Variants in HIVEP3 observed in about 807,000 individuals in gnomAD.
HIVEP3 encodes the protein transcription factor HIVEP3.
A neutral mutation model predicts 152.8 loss-of-function variants in HIVEP3; 49 were observed. That is an observed-to-expected ratio of 0.32 (90% CI 0.26 to 0.41). The LOEUF (loss-of-function observed/expected upper bound fraction) is 0.41, where lower values mean the gene tolerates loss of function less well. HIVEP3 is among the 10% of genes least tolerant of loss of function. The pLI is 1.00. For missense variants in HIVEP3, 2,790 were observed against 3,103.3 expected, an observed-to-expected ratio of 0.90 and a Z score of 2.40; for synonymous variants, 1,269 against 1,289.0, an observed-to-expected ratio of 0.98 and a Z score of 0.33.
intron 3 of HIVEP3, among the ~76,000 whole-genome samples, chr1:41,623,540 C>T (rs1558124150): frequency 6.6e-6 from 1 of 152,228 alleles, no homozygotes; most frequent in Admixed American, 6.5e-5. Context: ...TTTCTATCCC[C>T]TTGAGGCTTC....
chr1:41,512,820 G>C lies in HIVEP3; in HGVS notation c.6401C>G (p.Pro2134Arg), dbSNP rs112311296. The change falls in exon 8 of 9, where the codon CCG becomes CGG. Residue 2134 changes from proline to arginine, a missense_variant. Physicochemically the swap from Pro to Arg is moderately radical, Grantham distance 103. Coordinates refer to ENST00000372583, the MANE Select transcript of HIVEP3 (RefSeq NM_024503.5). ...LSRSPETCASPWQKAESRSPS... is the reference protein window; with the variant it reads ...LSRSPETCASRWQKAESRSPS... ...CCACCAGGGGCAGGAACTCACCCAC[G>C]GGGAGGCGCAGGTCTCTGGGCTTCT... 2 of 1,493,328 alleles carry C rather than the reference G, an allele frequency of 1.3e-6. No homozygotes were observed. The highest frequency in any genetic ancestry group is 2.8e-5 in the African/African-American group (2 of 71,500). 92.5% of individuals were successfully genotyped at this position (1,493,328 alleles called of 1,614,324 possible). A position where few individuals can be genotyped will look rare whatever the true frequency, so the allele number is the denominator to read the frequency against.
chr1:41,826,224 T>C (rs1642799455), intron 1 of HIVEP3, among the ~76,000 whole-genome samples: 1 of 152,128 alleles, frequency 6.6e-6, no homozygotes, highest in Admixed American at 6.6e-5. Flanking sequence ...TTATTTCTCT[T>C]GTATATAGGT....
At chr1:41,736,883 G>T (rs1646927049) in intron 1 of HIVEP3, among the ~76,000 whole-genome samples, 1 of 152,104 alleles carries the variant, frequency 6.6e-6, no homozygotes, top group Admixed American at 6.5e-5. Flanking sequence ...AGGAGTTCTG[G>T]CTCTTTTTCT....
chr1:42,019,150 A>C (rs950070113), intron 1 of HIVEP3, among the ~76,000 whole-genome samples: 1 of 152,068 alleles, frequency 6.6e-6, no homozygotes, highest in African/African-American at 2.4e-5. Context: ...TAGCTTTATA[A>C]TAATTCTAAA....
chr1:41,701,299 G>A (rs190249582), intron 1 of HIVEP3, among the ~76,000 whole-genome samples: 25 of 152,314 alleles, frequency 1.6e-4, no homozygotes, highest in East Asian at 1.2e-3. Flanking sequence ...AACACTCCTC[G>A]GGGAAAACAC....
chr1:41,600,785 T>C (rs772032862), intron 3 of HIVEP3, among the ~76,000 whole-genome samples: 1 of 152,196 alleles, frequency 6.6e-6, no homozygotes, highest in Non-Finnish European at 1.5e-5. Flanking sequence ...TCATGAAGTT[T>C]TCCCCTATGT....
At chr1:41,945,697 T>C (rs1373174183) in intron 1 of HIVEP3, among the ~76,000 whole-genome samples, 1 of 152,066 alleles carries the variant, frequency 6.6e-6, no homozygotes, top group African/African-American at 2.4e-5. Flanking sequence ...ATTTGCTAAC[T>C]TGCATGCTAG....
At chr1:41,861,500 G>A (rs1456067099) in intron 1 of HIVEP3, among the ~76,000 whole-genome samples, 2 of 152,200 alleles carry the variant, frequency 1.3e-5, no homozygotes, top group Non-Finnish European at 2.9e-5. Flanking sequence ...AGCCTTTATG[G>A]GAAAATGGAT....
intron 1 of HIVEP3, among the ~76,000 whole-genome samples, chr1:41,744,314 C>T (rs1647039181): frequency 6.6e-6 from 1 of 152,222 alleles, no homozygotes; most frequent in South Asian, 2.1e-4. Flanking sequence ...GCTGGGATTA[C>T]AGGTGTGAGC....
At position 41,575,581 on chromosome 1, in the gene HIVEP3, T is replaced by C. The variant is rs1157651420; in HGVS notation, c.5170A>G (p.Arg1724Gly). ...EPEEDAPASQ[R>G]GEPARIKIFE... ...ATTTTGATCCTCGCCGGCTCCCCTC[T>C]CTGGGAGGCAGGAGCATCCTCCTCC... is the stretch of plus-strand genomic sequence containing the variant. The change falls in exon 5 of 9, where the codon AGA becomes GGA. Residue 1724 changes from arginine (R) to glycine (G), a missense_variant. By Grantham distance (125) the Arg-to-Gly change is moderately radical. Transcript: ENST00000372583. The C allele has an allele frequency of 6.2e-7, 1 of 1,614,112 alleles. No homozygotes were observed. Among genetic ancestry groups the C allele is most frequent in the Non-Finnish European group, 8.5e-7 (1 of 1,179,992 alleles).
chr1:41,911,333 C>A (rs984907099), intron 1 of HIVEP3, among the ~76,000 whole-genome samples: 1 of 152,078 alleles, frequency 6.6e-6, no homozygotes, highest in African/African-American at 2.4e-5. Flanking sequence ...ACAAGATGGG[C>A]AAAAGTTTTT....
chr1:41,527,633 C>A (rs1643037457), intron 5 of HIVEP3, among the ~76,000 whole-genome samples: 1 of 134,342 alleles, frequency 7.4e-6, no homozygotes. Context: ...CACTCGCACT[C>A]CACATCCCCA....
At chr1:41,778,553 C>T (rs1399836767) in intron 1 of HIVEP3, among the ~76,000 whole-genome samples, 1 of 152,146 alleles carries the variant, frequency 6.6e-6, no homozygotes, top group Non-Finnish European at 1.5e-5. Flanking sequence ...TGCTGGAGGG[C>T]GGGGCAGGTC....
At chr1:41,955,667 G>T (rs1414577744) in intron 1 of HIVEP3, among the ~76,000 whole-genome samples, 1 of 152,160 alleles carries the variant, frequency 6.6e-6, no homozygotes, top group Non-Finnish European at 1.5e-5. Context: ...TTTCTCCTGG[G>T]GCACAGTTCC....
intron 5 of HIVEP3, among the ~76,000 whole-genome samples, chr1:41,556,239 C>T (rs1425478755): frequency 6.6e-6 from 1 of 152,204 alleles, no homozygotes; most frequent in Non-Finnish European, 1.5e-5. Flanking sequence ...ATTTCACGCT[C>T]CCACCAGCAG....
At chr1:41,998,085 G>C (rs891017810) in intron 1 of HIVEP3, among the ~76,000 whole-genome samples, 1 of 151,806 alleles carries the variant, frequency 6.6e-6, no homozygotes, top group Admixed American at 6.6e-5. Flanking sequence ...AGGTACCCTG[G>C]CTTAACATCA....
intron 1 of HIVEP3, among the ~76,000 whole-genome samples, chr1:41,713,337 A>C (rs1646543218): frequency 6.6e-6 from 1 of 152,208 alleles, no homozygotes; most frequent in Non-Finnish European, 1.5e-5. Context: ...TGGCTTCTGC[A>C]AGTCCCTGAG....
chr1:41,765,204 G>A (rs977850298), intron 1 of HIVEP3, among the ~76,000 whole-genome samples: 3 of 152,098 alleles, frequency 2.0e-5, no homozygotes, highest in South Asian at 2.1e-4. Flanking sequence ...ATTAATTAAC[G>A]TTTTCCCTCC....
At chr1:41,840,339 A>G (rs1570644698) in intron 1 of HIVEP3, among the ~76,000 whole-genome samples, 2 of 152,324 alleles carry the variant, frequency 1.3e-5, no homozygotes, top group South Asian at 2.1e-4. Context: ...AGACACATGC[A>G]TGGATTCACA....
Sources: allele counts gnomAD v4.1 joint callset (sites outside exome capture counted in the v4.1 genomes callset), GRCh38; gene constraint gnomAD v4.1.1; transcripts MANE v1.5; gene names NCBI Gene and HGNC (gene_info 2026-07-23, HGNC 2026-07-21).